The following SLCO3A1 variants were observed in gnomAD, a reference collection of about 807,000 sequenced individuals.
SLCO3A1 encodes the protein PGE1 transporter.
A neutral mutation model predicts 63.1 loss-of-function variants in SLCO3A1; 27 were observed. The observed-to-expected ratio is 0.43, with a 90% CI of 0.32 to 0.59. The LOEUF is 0.59. Among genes scored for constraint, SLCO3A1 ranks in the 20% least tolerant of loss-of-function variants. SLCO3A1 has a pLI of 0.09. For synonymous variants in SLCO3A1, 473 were observed against 409.9 expected, an observed-to-expected ratio of 1.15 and a Z score of -1.86; for missense variants, 773 against 945.8, an observed-to-expected ratio of 0.82 and a Z score of 2.40.
In SLCO3A1 at chr15:91,853,755, C is replaced by T; in HGVS notation, c.-154C>T. On this transcript the variant is annotated 5_prime_UTR_variant, in exon 1 of 10. Coordinates refer to ENST00000318445, the MANE Select transcript of SLCO3A1 (RefSeq NM_013272.4). ...CGGCGAGGAGCTGTGCCTTCCACCT[C>T]TCCAGCCCCGGCAGGACGGGGGCGG... 1.3e-6 allele frequency: 1 copy of T among 748,122 alleles called. No homozygotes were observed. Among genetic ancestry groups the T allele is most frequent in the Non-Finnish European group, 1.7e-6 (1 of 600,764 alleles). The allele number at this position is 748,122 out of a possible 1,614,324, so 46.3% of individuals were successfully genotyped here.
chr15:91,933,259 A>C (rs1899296133), intron 2 of SLCO3A1, among the ~76,000 whole-genome samples: 2 of 152,210 alleles, frequency 1.3e-5, no homozygotes, highest in South Asian at 4.1e-4. Context: ...TGATTTTTAT[A>C]GATTGCTTTT....
rs1206918117 is a variant in SLCO3A1 at position 92,118,297 on chromosome 15, C to A, written c.1010-2168C>A. ...AGCCAAGGCCACCAGCTCTGGTTATCATCTGGTTATAACACAGGATTCGGT... is the reference window on the plus strand; with the variant it reads ...AGCCAAGGCCACCAGCTCTGGTTATAATCTGGTTATAACACAGGATTCGGT... On this transcript the variant is annotated intron_variant, in intron 4 of 9. Transcript: ENST00000318445. Among the ~76,000 whole-genome samples the A allele has an allele frequency of 1.4e-4, 22 of 152,214 alleles. 1 individual carries two copies. Among genetic ancestry groups the A allele is most frequent in the Admixed American group, 1.4e-3 (22 of 15,284 alleles).
intron 2 of SLCO3A1, among the ~76,000 whole-genome samples, chr15:92,045,996 A>G (rs1320371630): frequency 6.6e-6 from 1 of 152,144 alleles, no homozygotes; most frequent in Non-Finnish European, 1.5e-5. Context: ...TCTAAGTGTT[A>G]ATGAAGGGAA....
chr15:91,910,372 CTG>C (rs1368652134), intron 1 of SLCO3A1, among the ~76,000 whole-genome samples: 2 of 152,358 alleles, frequency 1.3e-5, no homozygotes, highest in East Asian at 3.9e-4. Context: ...TGTCCCCAGA[CTG>C]TAAACTCCTA....
At chr15:92,143,931 G>A (rs146329319) in intron 7 of SLCO3A1, among the ~76,000 whole-genome samples, 6 of 152,194 alleles carry the variant, frequency 3.9e-5, no homozygotes, top group African/African-American at 9.6e-5. Context: ...GGCACTCTGC[G>A]ATGTGGGGAG....
intron 2 of SLCO3A1, among the ~76,000 whole-genome samples, chr15:91,953,924 G>A (rs1263195363): frequency 6.6e-6 from 1 of 152,200 alleles, no homozygotes; most frequent in Non-Finnish European, 1.5e-5. Flanking sequence ...TTGGAACAGT[G>A]AATGGTTCTC....
At chr15:92,067,686 G>A (rs924762936) in intron 2 of SLCO3A1, among the ~76,000 whole-genome samples, 4 of 152,230 alleles carry the variant, frequency 2.6e-5, no homozygotes, top group African/African-American at 7.2e-5. Flanking sequence ...AGCCAGAAGC[G>A]TCAGTGCAGA....
intron 2 of SLCO3A1, among the ~76,000 whole-genome samples, chr15:92,068,340 C>A (rs1211810949): frequency 6.6e-6 from 1 of 150,884 alleles, no homozygotes; most frequent in African/African-American, 2.4e-5. Flanking sequence ...CTTACTCCCA[C>A]TTTCAGAGAT....
chr15:92,038,127 C>T (rs1423508545), intron 2 of SLCO3A1, among the ~76,000 whole-genome samples: 1 of 152,172 alleles, frequency 6.6e-6, no homozygotes, highest in Non-Finnish European at 1.5e-5. Context: ...TCTAAGGAAG[C>T]AGTAGAGAAT....
At chr15:92,035,434 G>T (rs1333133878) in intron 2 of SLCO3A1, among the ~76,000 whole-genome samples, 1 of 151,826 alleles carries the variant, frequency 6.6e-6, no homozygotes, top group African/African-American at 2.4e-5. Flanking sequence ...TAAACTCATG[G>T]AAATATGCAC....
intron 2 of SLCO3A1, among the ~76,000 whole-genome samples, chr15:91,972,001 C>T (rs1056690957): frequency 4.6e-5 from 7 of 151,872 alleles, no homozygotes; most frequent in African/African-American, 9.7e-5. Flanking sequence ...TTCCTTTGAG[C>T]GTCATGTTGG....
intron 2 of SLCO3A1, among the ~76,000 whole-genome samples, chr15:92,008,472 T>A (rs2046335972): frequency 6.6e-6 from 1 of 152,230 alleles, no homozygotes. Context: ...TCTAGCTGAG[T>A]TGCACATTCA....
At chr15:92,142,011 C>T (rs1567141740) in intron 7 of SLCO3A1, among the ~76,000 whole-genome samples, 3 of 152,242 alleles carry the variant, frequency 2.0e-5, no homozygotes. Context: ...GAAACCCATC[C>T]AAGTCCTTGC....
At chr15:92,017,268 G>T (rs1205245515) in intron 2 of SLCO3A1, among the ~76,000 whole-genome samples, 1 of 150,044 alleles carries the variant, frequency 6.7e-6, no homozygotes, top group Non-Finnish European at 1.5e-5. Flanking sequence ...TTTCCATTGA[G>T]TTGGAGGAGC....
intron 2 of SLCO3A1, among the ~76,000 whole-genome samples, chr15:92,094,423 G>A (rs2047513702): frequency 6.6e-6 from 1 of 152,144 alleles, no homozygotes; most frequent in Non-Finnish European, 1.5e-5. Flanking sequence ...AATAATTTGT[G>A]GCATAGATTA....
chr15:91,966,584 C>T (rs1425307697), intron 2 of SLCO3A1, among the ~76,000 whole-genome samples: 1 of 152,162 alleles, frequency 6.6e-6, no homozygotes, highest in Non-Finnish European at 1.5e-5. Context: ...GTGTCTAGCA[C>T]CCAAATTTTG....
At chr15:92,076,442 T>C (rs55678606) in intron 2 of SLCO3A1, among the ~76,000 whole-genome samples, 392 of 152,312 alleles carry the variant, frequency 2.6e-3, no homozygotes, top group African/African-American at 9.2e-3. Context: ...TGTTAGGATT[T>C]CTGCTTTATC....
chr15:91,996,343 A>T (rs930170481), intron 2 of SLCO3A1, among the ~76,000 whole-genome samples: 1 of 152,204 alleles, frequency 6.6e-6, no homozygotes, highest in Non-Finnish European at 1.5e-5. Context: ...ATAAAATAAG[A>T]TATTTAAACA....
intron 1 of SLCO3A1, among the ~76,000 whole-genome samples, chr15:91,866,838 A>C (rs963517281): frequency 6.6e-6 from 1 of 152,144 alleles, no homozygotes; most frequent in Non-Finnish European, 1.5e-5. Context: ...GTTGTATTAC[A>C]ATAGACCAGA....
Sources: allele counts gnomAD v4.1 joint callset (sites outside exome capture counted in the v4.1 genomes callset), GRCh38; gene constraint gnomAD v4.1.1; transcripts MANE v1.5; gene names NCBI Gene and HGNC (gene_info 2026-07-23, HGNC 2026-07-21).